Variants in SI observed in about 807,000 individuals in gnomAD.
SI encodes the protein sucrase-isomaltase, also known as sucrase-isomaltase, intestinal.
A neutral mutation model predicts 253.3 loss-of-function variants in SI; 235 were observed. The ratio of observed to expected loss-of-function variants is 0.93; its 90% CI spans 0.83 to 1.03. SI has a LOEUF of 1.03. Among genes scored for constraint, SI ranks in the 50% least tolerant of loss-of-function variants. The pLI is 0.00. For synonymous variants in SI, 819 were observed against 712.0 expected, an observed-to-expected ratio of 1.15 and a Z score of -2.39; for missense variants, 2,442 against 2,211.1, an observed-to-expected ratio of 1.10 and a Z score of -2.09.
intron 3 of SI, among the ~76,000 whole-genome samples, chr3:165,074,230 T>C (rs1560021297): frequency 6.6e-6 from 1 of 152,076 alleles, no homozygotes; most frequent in Non-Finnish European, 1.5e-5. Flanking sequence ...ATCAAAGGTA[T>C]ACTTTCTTAA....
At chr3:165,055,147 A>G in intron 13 of SI, 47 bp downstream of exon 13, 1 of 1,056,284 alleles carries the variant, frequency 9.5e-7, no homozygotes, top group South Asian at 1.3e-5. Context: ...CAGATAAATA[A>G]GTCTATGGTC....
In SI at chr3:165,019,592, T is replaced by C. The variant is rs200899300; in HGVS notation, c.3423+10A>G. 14 of 1,611,662 alleles carry C rather than the reference T, an allele frequency of 8.7e-6. No homozygotes were observed. In the Admixed American group the frequency reaches 1.5e-4, roughly 17 times the overall value. On this transcript the variant is annotated intron_variant, in intron 28 of 47. Transcript: ENST00000264382. ...GTTGCCTCGTGGAGTGGTCATATGT[T>C]GGTACCTACACCAGGGGGTTGGTCT...
chr3:165,088,871 TTAAC>T, the SI span, among the ~76,000 whole-genome samples: 5 of 151,942 alleles, frequency 3.3e-5, no homozygotes, highest in East Asian at 1.9e-4. Flanking sequence ...GAACTAAACT[TTAAC>T]TATGATTTGG....
chr3:165,052,252 G>A (rs1308176071), intron 13 of SI, among the ~76,000 whole-genome samples: 2 of 152,130 alleles, frequency 1.3e-5, no homozygotes, highest in East Asian at 1.9e-4. Flanking sequence ...GTTATTTAAT[G>A]TCATATACCA....
chr3:165,024,043 AT>A (rs1268728934), intron 25 of SI, among the ~76,000 whole-genome samples: 1 of 151,464 alleles, frequency 6.6e-6, no homozygotes, highest in Non-Finnish European at 1.5e-5. Context: ...AACTCAAAAA[AT>A]AGCATTAAAT....
chr3:165,076,855 C>T (rs1306245864), intron 1 of SI, among the ~76,000 whole-genome samples: 2 of 151,412 alleles, frequency 1.3e-5, no homozygotes, highest in Non-Finnish European at 1.5e-5. Context: ...TCTCAAGTTT[C>T]CATGGATTAT....
chr3:165,063,438 T>C lies in SI; in HGVS notation c.907+4A>G. ...AAATATATTATCAAATGAATTATTC[T>C]TACCCATTGCATTGCTATTCATTAA... On this transcript the variant is annotated splice_donor_region_variant and intron_variant, in intron 8 of 47. Coordinates refer to ENST00000264382, the MANE Select transcript of SI (RefSeq NM_001041.4). 2 of 1,257,146 alleles carry C rather than the reference T, an allele frequency of 1.6e-6. No individual in the cohort carries two copies. The highest frequency in any genetic ancestry group is 2.4e-5 in the South Asian group (2 of 82,574). The allele number at this position is 1,257,146 out of a possible 1,614,324, so 77.9% of individuals were successfully genotyped here.
At chr3:165,056,376 C>A (rs1713694178) in intron 12 of SI, among the ~76,000 whole-genome samples, 1 of 140,842 alleles carries the variant, frequency 7.1e-6, no homozygotes, top group South Asian at 2.2e-4. Flanking sequence ...CTCCAGTGAC[C>A]ATCCCCCCCT....
At chr3:165,039,025 A>C in intron 20 of SI, 53 bp downstream of exon 20, 2 of 1,125,432 alleles carry the variant, frequency 1.8e-6, no homozygotes, top group Non-Finnish European at 2.7e-6. Flanking sequence ...TCTATGTAGA[A>C]GTGTTTGAAA....
At chr3:165,089,357 A>T in the SI span, among the ~76,000 whole-genome samples, 1 of 152,156 alleles carries the variant, frequency 6.6e-6, no homozygotes, top group Non-Finnish European at 1.5e-5. Context: ...TGCCCCACTG[A>T]GGTGACATTT....
Position 165,021,368 on chromosome 3 carries a change from T to G in SI, c.3115A>C (p.Lys1039Gln). 6.2e-7 allele frequency: 1 copy of G among 1,610,242 alleles called. No individual in the cohort carries two copies. Among genetic ancestry groups the G allele is most frequent in the Non-Finnish European group, 8.5e-7 (1 of 1,177,204 alleles). ...MLQFKIYDPQKKRYEVPVPLN... is the reference protein window; with the variant it reads ...MLQFKIYDPQQKRYEVPVPLN... ...GGTACTGGTACTTCATATCTCTTCT[T>G]TTGGGGATCATAAATCTATTGCAGA... Residue 1039 changes from lysine (K) to glutamine (Q), a missense_variant, in exon 27 of 48, where the codon AAG becomes CAG. Physicochemically the swap from Lys to Gln is moderately conservative, Grantham distance 53. Transcript: ENST00000264382.
intron 38 of SI, among the ~76,000 whole-genome samples, chr3:164,998,028 C>G (rs2108138164): frequency 6.6e-6 from 1 of 151,650 alleles, no homozygotes; most frequent in Non-Finnish European, 1.5e-5. Context: ...CATTTCTATT[C>G]CTCTGGGTAT....
At chr3:165,050,401 T>C (rs1341300459) in intron 13 of SI, among the ~76,000 whole-genome samples, 1 of 152,062 alleles carries the variant, frequency 6.6e-6, no homozygotes, top group African/African-American at 2.4e-5. Flanking sequence ...CTCTGAAACA[T>C]TCAGAGAACC....
At chr3:164,983,433 G>T (rs1034612737) in intron 45 of SI, among the ~76,000 whole-genome samples, 40 of 152,106 alleles carry the variant, frequency 2.6e-4, no homozygotes, top group Non-Finnish European at 5.9e-5. Flanking sequence ...CTTAGTGACT[G>T]ACAAAATAAT....
chr3:165,023,432 A>C, intron 26 of SI, 138 bp downstream of exon 26: 1 of 681,770 alleles, frequency 1.5e-6, no homozygotes, highest in Non-Finnish European at 2.5e-6. Flanking sequence ...TGTGTAGGAA[A>C]AAATATTTTT....
At chr3:165,004,595 G>A (rs1202207064) in intron 37 of SI, among the ~76,000 whole-genome samples, 1 of 152,046 alleles carries the variant, frequency 6.6e-6, no homozygotes, top group Non-Finnish European at 1.5e-5. Context: ...ATATACAACG[G>A]AGTCCTATGC....
chr3:164,987,749 C>A (rs1471486186), intron 44 of SI, among the ~76,000 whole-genome samples: 1 of 152,070 alleles, frequency 6.6e-6, no homozygotes, highest in Non-Finnish European at 1.5e-5. Context: ...TGATGCATGT[C>A]TTTTGATCTC....
At chr3:165,009,232 C>T (rs1486786120) in intron 35 of SI, 47 bp downstream of exon 35, 1 of 1,283,914 alleles carries the variant, frequency 7.8e-7, no homozygotes, top group Non-Finnish European at 1.1e-6. Context: ...TGCATAATCA[C>T]TGCACAATAA....
intron 17 of SI, 111 bp from the exon 18 acceptor site, chr3:165,041,205 T>C: frequency 1.1e-6 from 1 of 891,568 alleles, no homozygotes. Context: ...TCAGCTTGTT[T>C]ATGAGAAATT....
Sources: gnomAD v4.1 joint callset for allele counts (sites outside exome capture counted in the v4.1 genomes callset) on GRCh38, gnomAD v4.1.1 for gene constraint, MANE v1.5 for transcripts, NCBI Gene and HGNC (gene_info 2026-07-23, HGNC 2026-07-21) for gene names.